The following FTCDNL1 variants were observed in gnomAD, a reference collection of about 807,000 sequenced individuals.
FTCDNL1 encodes the protein formiminotransferase cyclodeaminase N-terminal like, also known as formiminotransferase N-terminal subdomain-containing protein.
A neutral mutation model predicts 5.9 loss-of-function variants in FTCDNL1; 11 were observed. The observed-to-expected ratio is 1.87, with a 90% CI of 1.18 to 3.10. FTCDNL1 has a LOEUF of 3.10. FTCDNL1 is among the 30% of genes most tolerant of loss of function. FTCDNL1 has a pLI of 0.00. For missense variants in FTCDNL1, 115 were observed against 65.5 expected (o/e 1.76, Z -2.61); for synonymous variants, 58 against 24.8 (o/e 2.34, Z -3.99).
intron 3 of FTCDNL1, among the ~76,000 whole-genome samples, chr2:199,778,591 G>A (rs1396181457): frequency 6.6e-6 from 1 of 152,136 alleles, no homozygotes; most frequent in Non-Finnish European, 1.5e-5. Flanking sequence ...TATAAATTAA[G>A]CCATGAGTCC....
chr2:199,829,926 T>C (rs1702261886), intron 3 of FTCDNL1, among the ~76,000 whole-genome samples: 1 of 152,194 alleles, frequency 6.6e-6, no homozygotes, highest in Non-Finnish European at 1.5e-5. Flanking sequence ...TGGTTCATTA[T>C]TATTCTTAAA....
At chr2:199,700,799 A>G in the FTCDNL1 span, among the ~76,000 whole-genome samples, 1 of 152,280 alleles carries the variant, frequency 6.6e-6, no homozygotes, top group East Asian at 1.9e-4. Context: ...AGGACTCCCT[A>G]TTCAGTAAGT....
At chr2:199,726,839 T>G in the FTCDNL1 span, among the ~76,000 whole-genome samples, 1 of 152,280 alleles carries the variant, frequency 6.6e-6, no homozygotes, top group East Asian at 1.9e-4. Flanking sequence ...AACACTCCTG[T>G]ATAAGGTGTT....
intron 3 of FTCDNL1, among the ~76,000 whole-genome samples, chr2:199,793,700 G>A (rs555682653): frequency 5.9e-5 from 9 of 152,158 alleles, no homozygotes; most frequent in South Asian, 4.2e-4. Context: ...AATGGCTATC[G>A]GATTGATATT....
chr2:199,805,882 G>A (rs2106423737), downstream of FTCDNL1, among the ~76,000 whole-genome samples: 1 of 151,674 alleles, frequency 6.6e-6, no homozygotes, highest in Non-Finnish European at 1.5e-5. Flanking sequence ...TCATGCCACT[G>A]CACTGCAGCC....
the FTCDNL1 span, among the ~76,000 whole-genome samples, chr2:199,736,775 CA>C: frequency 3.9e-5 from 6 of 152,188 alleles, no homozygotes; most frequent in African/African-American, 1.4e-4. Flanking sequence ...TACACAGCCT[CA>C]AAAGACGCAG....
At chr2:199,744,009 A>G in the FTCDNL1 span, among the ~76,000 whole-genome samples, 1 of 152,304 alleles carries the variant, frequency 6.6e-6, no homozygotes, top group East Asian at 1.9e-4. Context: ...CTTAGGCTTT[A>G]TATGTTTCTT....
chr2:199,805,456 T>A (rs185693059), downstream of FTCDNL1, among the ~76,000 whole-genome samples: 185 of 151,980 alleles, frequency 1.2e-3, no homozygotes, highest in African/African-American at 4.0e-3. Context: ...TGAAACAAAC[T>A]GGCTGGGCGC....
chr2:199,842,662 A>C (rs2076622186), intron 3 of FTCDNL1, among the ~76,000 whole-genome samples: 2 of 152,192 alleles, frequency 1.3e-5, no homozygotes, highest in South Asian at 4.1e-4. Context: ...CTATAAGCAA[A>C]CTTACAGCTG....
chr2:199,691,400 C>T, the FTCDNL1 span, among the ~76,000 whole-genome samples: 1 of 152,074 alleles, frequency 6.6e-6, no homozygotes, highest in South Asian at 2.1e-4. Context: ...CTCGAACTAC[C>T]GACCTCAGGT....
intron 3 of FTCDNL1, among the ~76,000 whole-genome samples, chr2:199,778,507 C>T (rs1035625716): frequency 1.3e-5 from 2 of 152,168 alleles, no homozygotes; most frequent in Non-Finnish European, 2.9e-5. Flanking sequence ...CGAGCACTTT[C>T]GGCCCCTTTA....
At chr2:199,721,534 A>T in the FTCDNL1 span, among the ~76,000 whole-genome samples, 2 of 152,144 alleles carry the variant, frequency 1.3e-5, no homozygotes, top group Non-Finnish European at 2.9e-5. Flanking sequence ...ATTAATGGGC[A>T]TTTGGGTCAA....
At chr2:199,748,237 A>G in the FTCDNL1 span, among the ~76,000 whole-genome samples, 1 of 152,234 alleles carries the variant, frequency 6.6e-6, no homozygotes, top group Non-Finnish European at 1.5e-5. Flanking sequence ...ATCCTTATAC[A>G]TACTACGGAA....
chr2:199,674,369 T>C, the FTCDNL1 span, among the ~76,000 whole-genome samples: 3 of 152,142 alleles, frequency 2.0e-5, no homozygotes, highest in Non-Finnish European at 4.4e-5. Context: ...AGATCAGTGC[T>C]GCAGAAATCA....
the FTCDNL1 span, among the ~76,000 whole-genome samples, chr2:199,738,007 C>G: frequency 6.6e-6 from 1 of 152,184 alleles, no homozygotes; most frequent in Non-Finnish European, 1.5e-5. Context: ...GCTCACGGAG[C>G]CTCTCCATTA....
chr2:199,733,503 G>A, the FTCDNL1 span, among the ~76,000 whole-genome samples: 3 of 152,196 alleles, frequency 2.0e-5, no homozygotes, highest in East Asian at 3.8e-4. Flanking sequence ...AGGCCCAAAA[G>A]AGCATCACTG....
chr2:199,679,687 A>G, the FTCDNL1 span, among the ~76,000 whole-genome samples: 1 of 151,848 alleles, frequency 6.6e-6, no homozygotes, highest in Non-Finnish European at 1.5e-5. Flanking sequence ...ACGTGAACCT[A>G]CATTTCATAA....
chr2:199,699,660 A>G, the FTCDNL1 span, among the ~76,000 whole-genome samples: 1 of 152,172 alleles, frequency 6.6e-6, no homozygotes, highest in Non-Finnish European at 1.5e-5. Flanking sequence ...ACAAAATACT[A>G]ACAAACCAAA....
chr2:199,731,101 C>G, the FTCDNL1 span, among the ~76,000 whole-genome samples: 1 of 152,094 alleles, frequency 6.6e-6, no homozygotes, highest in Non-Finnish European at 1.5e-5. Context: ...GAACAGAAAA[C>G]CAAACACTGC....
Sources: gnomAD v4.1 joint callset for allele counts (sites outside exome capture counted in the v4.1 genomes callset) on GRCh38, gnomAD v4.1.1 for gene constraint, MANE v1.5 for transcripts, NCBI Gene and HGNC (gene_info 2026-07-23, HGNC 2026-07-21) for gene names.